GREB1L: variants seen among roughly 807,000 people sequenced by gnomAD.
GREB1L encodes the protein GREB1 like retinoic acid receptor coactivator.
Under a neutral mutation model 200.8 loss-of-function variants are expected in GREB1L, and 17 were observed. The observed-to-expected ratio is 0.08, with a 90% CI of 0.06 to 0.13. The LOEUF (loss-of-function observed/expected upper bound fraction) is 0.13. GREB1L is among the 10% of genes least tolerant of loss of function. The pLI is 1.00. For synonymous variants in GREB1L, 789 were observed against 893.0 expected (o/e 0.88, Z 2.08); for missense variants, 1,657 against 2,367.7 (o/e 0.70, Z 6.23).
At chr18:21,300,840 C>A (rs2038606672) in intron 1 of GREB1L, among the ~76,000 whole-genome samples, 1 of 152,126 alleles carries the variant, frequency 6.6e-6, no homozygotes, top group South Asian at 2.1e-4. Flanking sequence ...GGGAGGGAGG[C>A]TGCCTATTTG....
intron 1 of GREB1L, among the ~76,000 whole-genome samples, chr18:21,362,274 T>A (rs2039592351): frequency 6.6e-6 from 1 of 152,096 alleles, no homozygotes; most frequent in Admixed American, 6.5e-5. Flanking sequence ...TAAGTTGAAA[T>A]TTTTTTAACC....
chr18:21,415,363 G>T (rs1598792891), intron 7 of GREB1L, among the ~76,000 whole-genome samples: 1 of 152,052 alleles, frequency 6.6e-6, no homozygotes, highest in East Asian at 1.9e-4. Flanking sequence ...AAACAATAAA[G>T]AAATTAGTTA....
At chr18:21,289,982 G>T (rs2038421129) in intron 1 of GREB1L, among the ~76,000 whole-genome samples, 1 of 152,192 alleles carries the variant, frequency 6.6e-6, no homozygotes, top group Admixed American at 6.5e-5. Context: ...CTCACTGACT[G>T]CAGTGACTGT....
chr18:21,505,649 C>A lies in GREB1L; in HGVS notation c.4228+82C>A, dbSNP rs1389117841. ...GGTGCCTTACATCTCACTTTTCTTT[C>A]GCTCTTATGCGCATCATTTTTTAAA... On this transcript the variant is annotated intron_variant, in intron 24 of 32. Transcript: ENST00000424526. The A allele has an allele frequency of 2.1e-6, 3 of 1,448,828 alleles. No homozygotes were observed. In the East Asian group the frequency reaches 7.5e-5, roughly 36 times the overall value. 89.7% of individuals were successfully genotyped at this position (1,448,828 alleles called of 1,614,324 possible).
At chr18:21,282,623 G>A (rs1432572111) in intron 1 of GREB1L, among the ~76,000 whole-genome samples, 6 of 150,672 alleles carry the variant, frequency 4.0e-5, no homozygotes, top group South Asian at 2.1e-4. Context: ...TTTTTGAGAC[G>A]GAGTCTTGCT....
chr18:21,431,903 A>ATTTTT, intron 7 of GREB1L, among the ~76,000 whole-genome samples: 2 of 109,772 alleles, frequency 1.8e-5, no homozygotes, highest in South Asian at 5.8e-4. Context: ...CTTAGAGTCT[A>ATTTTT]TTTTTCTTTT....
intron 9 of GREB1L, 120 bp downstream of exon 9, chr18:21,440,508 A>G: frequency 1.0e-6 from 1 of 992,438 alleles, no homozygotes; most frequent in Non-Finnish European, 1.5e-6. Context: ...ATAGTAGCTA[A>G]TGTTTTGTCC....
intron 1 of GREB1L, among the ~76,000 whole-genome samples, chr18:21,358,448 TG>T (rs1006724808): frequency 2.6e-5 from 4 of 152,224 alleles, no homozygotes; most frequent in Non-Finnish European, 4.4e-5. Flanking sequence ...CCTGAGTAGC[TG>T]GGACTACAGG....
chr18:21,363,546 G>A (rs2039614009), intron 1 of GREB1L: 1 of 151,904 alleles, frequency 6.6e-6, no homozygotes, highest in African/African-American at 2.4e-5. Context: ...TTTCTCTCTG[G>A]AGTTCCTGGA....
chr18:21,354,453 T>C (rs2039476449), intron 1 of GREB1L, among the ~76,000 whole-genome samples: 1 of 152,200 alleles, frequency 6.6e-6, no homozygotes. Flanking sequence ...AAAAATAGTT[T>C]GAGTGCCTCT....
At position 21,384,260 on chromosome 18, in the gene GREB1L, A is replaced by T; in HGVS notation, c.212A>T (p.Gln71Leu). 1 of 1,551,506 alleles carries T rather than the reference A, an allele frequency of 6.4e-7. No individual in the cohort carries two copies. The highest frequency in any genetic ancestry group is 1.2e-5 in the South Asian group (1 of 84,052). ...AAAGATTTGGTAAACCGCTACACTC[A>T]AAATGGAAGTCTGGATTTTTCTAAC... is the stretch of plus-strand genomic sequence containing the variant. The part of the protein sequence containing the change: ...LDKDLVNRYT[Q>L]NGSLDFSNNL... Residue 71 changes from glutamine to leucine, a missense_variant, in exon 4 of 33, where the codon CAA becomes CTA. Gln to Leu is a moderately radical substitution (Grantham distance 113). This residue lies in a region of GREB1L where 121 missense variants were observed against 126.6 expected (regional missense o/e 0.96). Transcript: ENST00000424526.
intron 1 of GREB1L, among the ~76,000 whole-genome samples, chr18:21,352,045 AC>A (rs1341137264): frequency 5.9e-5 from 9 of 151,732 alleles, no homozygotes; most frequent in Admixed American, 5.9e-4. Context: ...ACAGGGTTTC[AC>A]CATGTTGGCC....
intron 1 of GREB1L, among the ~76,000 whole-genome samples, chr18:21,262,601 A>C (rs1350738645): frequency 1.3e-5 from 2 of 152,174 alleles, no homozygotes; most frequent in Admixed American, 6.5e-5. Context: ...GATATTTTGT[A>C]ACAAAAATTT....
intron 1 of GREB1L, among the ~76,000 whole-genome samples, chr18:21,323,127 A>G (rs1353146259): frequency 6.6e-6 from 1 of 152,052 alleles, no homozygotes; most frequent in Non-Finnish European, 1.5e-5. Flanking sequence ...TCTACTAGAA[A>G]TATTTTTTAA....
intron 11 of GREB1L, among the ~76,000 whole-genome samples, chr18:21,449,184 G>A (rs747713622): frequency 7.2e-5 from 11 of 152,184 alleles, no homozygotes; most frequent in Non-Finnish European, 1.5e-4. Flanking sequence ...AATAGGTCAA[G>A]AAATATGCCA....
chr18:21,440,312 A>G lies in GREB1L; in HGVS notation c.993A>G (p.Gly331=), dbSNP rs781317472. 1.2e-5 allele frequency: 18 copies of G among 1,551,542 alleles called. No homozygotes were observed. In the South Asian group the frequency reaches 1.9e-4, roughly 16 times the overall value. The change falls in exon 9 of 33, where the codon GGA becomes GGG. Residue 331 remains glycine, a synonymous_variant. Coordinates refer to ENST00000424526, the MANE Select transcript of GREB1L (RefSeq NM_001142966.3). ...ISGPPKKRHR[G]WYPGSPLPQP... ...GGCCACCAAAGAAACGACACCGGGG[A>G]TGGTATCCTGGGTCACCTCTCCCCC...
intron 1 of GREB1L, among the ~76,000 whole-genome samples, chr18:21,287,255 G>C (rs1264709917): frequency 1.3e-5 from 2 of 151,978 alleles, no homozygotes; most frequent in African/African-American, 4.8e-5. Flanking sequence ...CTTACACCAA[G>C]AACTTGCACT....
At chr18:21,489,979 G>C in intron 18 of GREB1L, 33 bp from the exon 19 acceptor site, 3 of 1,503,332 alleles carry the variant, frequency 2.0e-6, no homozygotes, top group Non-Finnish European at 2.7e-6. Flanking sequence ...TGGCCCTGCT[G>C]CCTGAGTGCT....
chr18:21,359,073 C>T (rs2039546025), intron 1 of GREB1L, among the ~76,000 whole-genome samples: 1 of 152,094 alleles, frequency 6.6e-6, no homozygotes, highest in Admixed American at 6.6e-5. Flanking sequence ...AATGGCGGCC[C>T]AGGGAAGATA....
Sources: allele counts gnomAD v4.1 joint callset (sites outside exome capture counted in the v4.1 genomes callset), GRCh38; gene constraint gnomAD v4.1.1; regional missense constraint gnomAD v4.1.1; transcripts MANE v1.5; gene names NCBI Gene and HGNC (gene_info 2026-07-23, HGNC 2026-07-21).